The following ZSCAN21 variants were observed in gnomAD, a reference collection of about 807,000 sequenced individuals.
The protein encoded by ZSCAN21 is zinc finger and SCAN domain containing 21, also known as zinc finger and SCAN domain-containing protein 21.
A neutral mutation model predicts 35.6 loss-of-function variants in ZSCAN21; 26 were observed. The observed-to-expected ratio is 0.73, with a 90% CI of 0.54 to 1.01. The LOEUF is 1.01. ZSCAN21 is among the 50% of genes least tolerant of loss of function. ZSCAN21 has a pLI of 0.00. For missense variants in ZSCAN21, 593 were observed against 587.1 expected (o/e 1.01, Z -0.10); for synonymous variants, 219 against 219.3 (o/e 1.00, Z 0.01).
chr7:100,062,778 G>A (rs758601059), intron 3 of ZSCAN21, among the ~76,000 whole-genome samples: 3 of 152,170 alleles, frequency 2.0e-5, no homozygotes, highest in Non-Finnish European at 4.4e-5. Flanking sequence ...GGGAGGCTGA[G>A]TCAGGAGAAT....
In ZSCAN21 at chr7:100,057,367, G is replaced by A. The variant is rs1303461267; in HGVS notation, c.361G>A (p.Glu121Lys). The A allele has an allele frequency of 7.0e-6, 11 of 1,575,136 alleles. No individual in the cohort carries two copies. Among genetic ancestry groups the A allele is most frequent in the South Asian group, 2.4e-5 (2 of 85,036 alleles). The change falls in exon 2 of 4, where the codon GAA (glutamate) becomes AAA (lysine). Residue 121 changes from glutamate (E) to lysine (K), a missense_variant. Transcript: ENST00000292450. ...CGCTGAAGAGGCTGTCACTCTCCTC[G>A]AAGATCTGGAGCGGGAACTGGATGA... ...ESAEEAVTLL[E>K]DLERELDEPG... is the part of the protein sequence containing the mutation.
In ZSCAN21 at chr7:100,063,775, C is replaced by T; in HGVS notation, c.593-13C>T. On this transcript the variant is annotated splice_polypyrimidine_tract_variant and intron_variant, in intron 3 of 3. Transcript: ENST00000292450. Reference sequence around the variant, plus strand: ...AAACAACTGAAGTATCCTTAATCTGCTTATTGTTTCAGATTGCAGATTGAG... The same window carrying T: ...AAACAACTGAAGTATCCTTAATCTGTTTATTGTTTCAGATTGCAGATTGAG... The T allele has an allele frequency of 6.3e-7, 1 of 1,592,646 alleles. No individual in the cohort carries two copies. Among genetic ancestry groups the T allele is most frequent in the African/African-American group, 1.4e-5 (1 of 73,768 alleles).
rs1554358632 is a variant in ZSCAN21, at chr7:100,057,113, A to AGTAC, written c.108_111dup (p.Leu38ValfsTer4). The AGTAC allele has an allele frequency of 1.2e-6, 2 of 1,614,156 alleles. No individual in the cohort carries two copies. Among genetic ancestry groups the AGTAC allele is most frequent in the Non-Finnish European group, 1.7e-6 (2 of 1,180,034 alleles). ...GTCGAGGAGAAAGAAGAGAAAGGCAAGTACCTTCCTAGCCTGGAGATGTTC... is the reference window on the plus strand; with the variant it reads ...GTCGAGGAGAAAGAAGAGAAAGGCAAGTACGTACCTTCCTAGCCTGGAGATGTTC... On this transcript the variant is annotated frameshift_variant, in exon 2 of 4. Transcript: ENST00000292450. LOFTEE classifies it high-confidence loss of function.
rs1792479160 is a variant in ZSCAN21, at chr7:100,063,906, A to G, written c.711A>G (p.Leu237=). 1 of 1,614,090 alleles carries G rather than the reference A, an allele frequency of 6.2e-7. No homozygotes were observed. The highest frequency in any genetic ancestry group is 8.5e-7 in the Non-Finnish European group (1 of 1,180,056). Residue 237 remains leucine, a synonymous_variant, in exon 4 of 4, where the codon TTA becomes TTG. Coordinates refer to ENST00000292450, the MANE Select transcript of ZSCAN21 (RefSeq NM_145914.3). Reference sequence around the variant, plus strand: ...TCGCCAATAAACCTGAGGCCAGCTTAGAGAGGCAGTGCGTAAACCTTGAAA... The same window carrying G: ...TCGCCAATAAACCTGAGGCCAGCTTGGAGAGGCAGTGCGTAAACCTTGAAA... ...VIIANKPEAS[L]ERQCVNLENE...
At chr7:100,055,810 T>C (rs1792053803) in intron 1 of ZSCAN21, among the ~76,000 whole-genome samples, 1 of 150,710 alleles carries the variant, frequency 6.6e-6, no homozygotes, top group Non-Finnish European at 1.5e-5. Flanking sequence ...CGGCTAACTT[T>C]TTTTTGTATT....
Position 100,064,868 on chromosome 7 carries a change from A to G in ZSCAN21, c.*251A>G, listed in dbSNP as rs761892591. On this transcript the variant is annotated 3_prime_UTR_variant, in exon 4 of 4. Transcript: ENST00000292450. ...GCCACACTTAGGGTCCCAGTAAGCCATGCCAGCATTACCTTTTGCGTAGTT... is the reference window on the plus strand; with the variant it reads ...GCCACACTTAGGGTCCCAGTAAGCCGTGCCAGCATTACCTTTTGCGTAGTT... The G allele has an allele frequency of 1.2e-5, 19 of 1,610,444 alleles. No homozygotes were observed. Among genetic ancestry groups the G allele is most frequent in the Non-Finnish European group, 1.5e-5 (18 of 1,178,634 alleles).
chr7:100,053,228 T>C (rs1044978220), intron 1 of ZSCAN21, among the ~76,000 whole-genome samples: 6 of 152,098 alleles, frequency 3.9e-5, no homozygotes, highest in Admixed American at 3.9e-4. Context: ...AACTTTTTTT[T>C]CTGTAATTTG....
rs781748674 is a variant in ZSCAN21, at chr7:100,064,484, A to C, written c.1289A>C (p.Asn430Thr). 1 of 1,614,068 alleles carries C rather than the reference A, an allele frequency of 6.2e-7. No homozygotes were observed. The highest frequency in any genetic ancestry group is 1.7e-5 in the Admixed American group (1 of 59,986). ...GGGAAAGCCTTCAACCACAGCTCCA[A>C]CTTCAATAAACACCACAGAATCCAC... Reference protein sequence around the residue: ...ECGKAFNHSSNFNKHHRIHTG... With the variant: ...ECGKAFNHSSTFNKHHRIHTG... The change falls in exon 4 of 4, where the codon AAC becomes ACC. Residue 430 changes from asparagine to threonine, a missense_variant. Transcript: ENST00000292450.
chr7:100,057,597 CT>C, intron 2 of ZSCAN21, 100 bp from the exon 3 acceptor site: 1 of 1,381,692 alleles, frequency 7.2e-7, no homozygotes. Flanking sequence ...GGGTGTTTTC[CT>C]TTTCTCTTTC....
intron 1 of ZSCAN21, among the ~76,000 whole-genome samples, chr7:100,054,009 G>A (rs1251305782): frequency 6.6e-6 from 1 of 151,254 alleles, no homozygotes; most frequent in Non-Finnish European, 1.5e-5. Flanking sequence ...CGCCCGGCCA[G>A]TCGTTTTAAA....
chr7:100,064,366 A>G lies in ZSCAN21; in HGVS notation c.1171A>G (p.Asn391Asp), dbSNP rs778963749. 6.2e-7 allele frequency: 1 copy of G among 1,614,134 alleles called. No individual in the cohort carries two copies. The highest frequency in any genetic ancestry group is 2.2e-5 in the East Asian group (1 of 44,882). Residue 391 changes from asparagine to aspartate, a missense_variant, in exon 4 of 4, where the codon AAC becomes GAC. Coordinates refer to ENST00000292450, the MANE Select transcript of ZSCAN21 (RefSeq NM_145914.3). ...CACTGGGGAGAAGCCTTATCAGTGTAACGAATGTGGGAAGAGCTTCAGTCA... is the reference window on the plus strand; with the variant it reads ...CACTGGGGAGAAGCCTTATCAGTGTGACGAATGTGGGAAGAGCTTCAGTCA... Reference protein sequence around the residue: ...IHTGEKPYQCNECGKSFSQHA... With the variant: ...IHTGEKPYQCDECGKSFSQHA...
intron 1 of ZSCAN21, among the ~76,000 whole-genome samples, chr7:100,055,984 A>C (rs1792060927): frequency 6.9e-6 from 1 of 144,088 alleles, no homozygotes; most frequent in African/African-American, 2.6e-5. Flanking sequence ...TCTGTCGCCC[A>C]GGCTGGAGTG....
rs200720461 is a variant in ZSCAN21 at position 100,056,987 on chromosome 7, A to G, written c.-20A>G. On this transcript the variant is annotated 5_prime_UTR_variant, in exon 2 of 4. Coordinates refer to ENST00000292450, the MANE Select transcript of ZSCAN21 (RefSeq NM_145914.3). ...GCCCCACAGAGTCCCATCTTTGGTG[A>G]GGCTGTTTCTGGAGTTTACATGATG... The G allele has an allele frequency of 3.0e-5, 47 of 1,556,966 alleles. No individual in the cohort carries two copies. The highest frequency in any genetic ancestry group is 3.5e-6 in the Non-Finnish European group (4 of 1,150,796).
chr7:100,063,835 G>T lies in ZSCAN21; in HGVS notation c.640G>T (p.Gly214Cys). The T allele has an allele frequency of 6.2e-7, 1 of 1,613,600 alleles. No homozygotes were observed. The highest frequency in any genetic ancestry group is 1.1e-5 in the South Asian group (1 of 90,948). Reference sequence around the variant, plus strand: ...CGAGGAATCAGCAGATGAGCAGAAAGGTTCTGAAGCAGAGGGGCTCAAAGG... The same window carrying T: ...CGAGGAATCAGCAGATGAGCAGAAATGTTCTGAAGCAGAGGGGCTCAAAGG... ...QHEESADEQK[G>C]SEAEGLKGDI... is the part of the protein sequence containing the mutation. Residue 214 changes from glycine to cysteine, a missense_variant, in exon 4 of 4, where the codon GGT (glycine) becomes TGT (cysteine). By Grantham distance (159) the Gly-to-Cys change is radical. Transcript: ENST00000292450.
In ZSCAN21 at chr7:100,064,006, A is replaced by G. The variant is rs1307726047; in HGVS notation, c.811A>G (p.Thr271Ala). 6.2e-7 allele frequency: 1 copy of G among 1,614,088 alleles called. No homozygotes were observed. The highest frequency in any genetic ancestry group is 8.5e-7 in the Non-Finnish European group (1 of 1,180,002). Residue 271 changes from threonine (T) to alanine (A), a missense_variant, in exon 4 of 4, where the codon ACC (threonine) becomes GCC (alanine). By Grantham distance (58) the Thr-to-Ala change is moderately conservative. Coordinates refer to ENST00000292450, the MANE Select transcript of ZSCAN21 (RefSeq NM_145914.3). Reference sequence around the variant, plus strand: ...TAGAGAATCAGTTCCTACTAAACCTACCCCAGGAGAGAGACGTTATATATG... The same window carrying G: ...TAGAGAATCAGTTCCTACTAAACCTGCCCCAGGAGAGAGACGTTATATATG... ...KGRESVPTKP[T>A]PGERRYICAE...
chr7:100,064,653 C>A lies in ZSCAN21; in HGVS notation c.*36C>A. 6.2e-7 allele frequency: 1 copy of A among 1,603,024 alleles called. No individual in the cohort carries two copies. Among genetic ancestry groups the A allele is most frequent in the South Asian group, 1.1e-5 (1 of 89,932 alleles). ...CTCCTGTTGTTGTCGTTGTTTTAAA[C>A]TTTAGAATCTGAAAACCAGAAAGAA... On this transcript the variant is annotated 3_prime_UTR_variant, in exon 4 of 4. Coordinates refer to ENST00000292450, the MANE Select transcript of ZSCAN21 (RefSeq NM_145914.3).
chr7:100,055,070 C>G (rs1220075530), intron 1 of ZSCAN21, among the ~76,000 whole-genome samples: 1 of 149,666 alleles, frequency 6.7e-6, no homozygotes, highest in Non-Finnish European at 1.5e-5. Flanking sequence ...ATTCTCCTGC[C>G]TCAGCCTCCT....
rs1792572430 is a variant in ZSCAN21, at chr7:100,064,960, C to T, written c.*343C>T. On this transcript the variant is annotated 3_prime_UTR_variant, in exon 4 of 4. Transcript: ENST00000292450. ...GATTGTTTAATTTTTAACATATATT[C>T]AAGAATTTTAATTTGTAAAGAATTG... 1.2e-6 allele frequency: 2 copies of T among 1,603,506 alleles called. No individual in the cohort carries two copies. The highest frequency in any genetic ancestry group is 8.5e-7 in the Non-Finnish European group (1 of 1,173,276).
chr7:100,057,698 G>T lies in ZSCAN21; in HGVS notation c.400G>T (p.Val134Phe). The T allele has an allele frequency of 6.2e-7, 1 of 1,607,952 alleles. No individual in the cohort carries two copies. The highest frequency in any genetic ancestry group is 1.7e-5 in the Admixed American group (1 of 59,054). Residue 134 changes from valine to phenylalanine, a missense_variant and splice_region_variant, in exon 3 of 4, where the codon GTC becomes TTC. Coordinates refer to ENST00000292450, the MANE Select transcript of ZSCAN21 (RefSeq NM_145914.3). Reference sequence around the variant, plus strand: ...CCTAGCCATTCCTGATTGTCTCTAGGTCTCAACTCCTCCAAACGAACAGAA... The same window carrying T: ...CCTAGCCATTCCTGATTGTCTCTAGTTCTCAACTCCTCCAAACGAACAGAA... ...ERELDEPGHQ[V>F]STPPNEQKPV...
Sources: allele counts gnomAD v4.1 joint callset (sites outside exome capture counted in the v4.1 genomes callset), GRCh38; gene constraint gnomAD v4.1.1; transcripts MANE v1.5; gene names NCBI Gene and HGNC (gene_info 2026-07-23, HGNC 2026-07-21).